Variants in NFASC observed in about 807,000 individuals in gnomAD.
NFASC encodes the protein neurofascin.
In NFASC, 43 loss-of-function variants were observed where a neutral mutation model predicts 147.5. The ratio of observed to expected loss-of-function variants is 0.29; its 90% CI spans 0.23 to 0.38. The LOEUF (loss-of-function observed/expected upper bound fraction) is 0.38. NFASC is among the 10% of genes least tolerant of loss of function. The pLI is 1.00. For missense variants in NFASC, 1,320 were observed against 1,689.0 expected (o/e 0.78, Z 3.83); for synonymous variants, 622 against 665.5 (o/e 0.93, Z 1.01).
chr1:205,016,842 C>T lies in NFASC; in HGVS notation c.*303C>T, dbSNP rs972896951. 5.6e-5 allele frequency: 26 copies of T among 467,666 alleles called. No individual in the cohort carries two copies. The highest frequency in any genetic ancestry group is 9.5e-5 in the Non-Finnish European group (24 of 251,830). 29.0% of individuals were successfully genotyped at this position (467,666 alleles called of 1,614,324 possible). A position where few individuals can be genotyped will look rare whatever the true frequency, so the allele number is the denominator to read the frequency against. ...ACCCCGAGCGTTCCACCACACTGTC[C>T]GCCCTTGGCCTCGGCACACGCTCAC... On this transcript the variant is annotated 3_prime_UTR_variant, in exon 30 of 30. Coordinates refer to ENST00000339876, the MANE Select transcript of NFASC (RefSeq NM_001005388.3). This position sits in a 1 kb window ranked among gnomAD's most constrained non-coding sequence, Gnocchi z 5.1.
rs2095381790 is a variant in NFASC at position 204,975,568 on chromosome 1, G to C, written c.1706+150G>C. Reference sequence around the variant, plus strand: ...TTCTGCAGAGGGGGTGATGGCCTGGGCAACTCCCCTGCTTCAGGGGAGACC... The same window carrying C: ...TTCTGCAGAGGGGGTGATGGCCTGGCCAACTCCCCTGCTTCAGGGGAGACC... On this transcript the variant is annotated intron_variant, in intron 15 of 29. Transcript: ENST00000339876. This position sits in a 1 kb window ranked among gnomAD's most constrained non-coding sequence, Gnocchi z 4.0. 18 of 1,068,920 alleles carry C rather than the reference G, an allele frequency of 1.7e-5. No individual in the cohort carries two copies. Among genetic ancestry groups the C allele is most frequent in the African/African-American group, 3.2e-5 (2 of 63,000 alleles). 66.2% of individuals were successfully genotyped at this position (1,068,920 alleles called of 1,614,324 possible).
chr1:204,868,183 G>A (rs1360948750), intron 1 of NFASC, among the ~76,000 whole-genome samples: 1 of 152,230 alleles, frequency 6.6e-6, no homozygotes, highest in Non-Finnish European at 1.5e-5. Context: ...GACGGCCTCT[G>A]GCCTGCTCAG....
At chr1:204,917,452 G>T (rs994399703) in intron 1 of NFASC, among the ~76,000 whole-genome samples, 12 of 151,984 alleles carry the variant, frequency 7.9e-5, no homozygotes, top group African/African-American at 2.7e-4. Flanking sequence ...TCAATATAAG[G>T]CCAATCTTGT....
rs1464517525 is a variant in NFASC at position 204,986,831 on chromosome 1, C to T, written c.2471-587C>T. 1.3e-5 allele frequency: 2 copies of T among 154,926 alleles called. No individual in the cohort carries two copies. Among genetic ancestry groups the T allele is most frequent in the African/African-American group, 2.4e-5 (1 of 41,400 alleles). 9.6% of individuals were successfully genotyped at this position (154,926 alleles called of 1,614,324 possible). A position where few individuals can be genotyped will look rare whatever the true frequency, so the allele number is the denominator to read the frequency against. On this transcript the variant is annotated intron_variant, in intron 21 of 29. Coordinates refer to ENST00000339876, the MANE Select transcript of NFASC (RefSeq NM_001005388.3). The surrounding 1 kb of genome is among the most constrained non-coding windows in gnomAD (Gnocchi z 4.2). The stretch of plus-strand genomic sequence containing the variant: ...TCTTCCTCCTGTCCTCTGTTCTTCC[C>T]TCTTGTTCTCTTTATCCCTGTCTTT...
At chr1:204,906,967 T>A (rs1171124256) in intron 1 of NFASC, among the ~76,000 whole-genome samples, 1 of 152,196 alleles carries the variant, frequency 6.6e-6, no homozygotes, top group Non-Finnish European at 1.5e-5. Flanking sequence ...GTCATTTCTC[T>A]GGAGTACATA....
chr1:204,907,729 T>C (rs573009773), intron 1 of NFASC, among the ~76,000 whole-genome samples: 3 of 152,342 alleles, frequency 2.0e-5, no homozygotes, highest in East Asian at 3.9e-4. Context: ...GGTCCAGTTA[T>C]ACTAAAATAA....
At chr1:204,889,173 A>T (rs1330079820) in intron 1 of NFASC, among the ~76,000 whole-genome samples, 1 of 152,226 alleles carries the variant, frequency 6.6e-6, no homozygotes, top group Admixed American at 6.5e-5. Flanking sequence ...AAACTCTAAA[A>T]CCAAAACTAT....
At chr1:204,856,075 G>A (rs559736184) in intron 1 of NFASC, among the ~76,000 whole-genome samples, 1 of 152,118 alleles carries the variant, frequency 6.6e-6, no homozygotes, top group South Asian at 2.1e-4. Flanking sequence ...GCCAGTCCAC[G>A]GCTAGGGCCT....
At chr1:204,926,626 C>T (rs1328278979) in intron 2 of NFASC, among the ~76,000 whole-genome samples, 1 of 150,772 alleles carries the variant, frequency 6.6e-6, no homozygotes, top group Non-Finnish European at 1.5e-5. Context: ...GTTGCCCAGG[C>T]TGGTCTTGAA....
chr1:204,977,742 A>G lies in NFASC; in HGVS notation c.1876+17A>G, dbSNP rs2095435917. ...TGCCCAAAGGTAATTCCCACTAATCACAGTCCCCTGCCAGTGCCCTCTCTT... is the reference window on the plus strand; with the variant it reads ...TGCCCAAAGGTAATTCCCACTAATCGCAGTCCCCTGCCAGTGCCCTCTCTT... On this transcript the variant is annotated intron_variant, in intron 17 of 29. Coordinates refer to ENST00000339876, the MANE Select transcript of NFASC (RefSeq NM_001005388.3). 5.6e-6 allele frequency: 9 copies of G among 1,604,368 alleles called. No homozygotes were observed. The highest frequency in any genetic ancestry group is 1.7e-5 in the Admixed American group (1 of 59,726).
At chr1:204,941,185 C>T (rs192814065) in intron 2 of NFASC, among the ~76,000 whole-genome samples, 11 of 152,304 alleles carry the variant, frequency 7.2e-5, no homozygotes, top group Admixed American at 3.9e-4. Flanking sequence ...TCCCTTCTCT[C>T]GGCTTTTGTT....
In NFASC at chr1:204,987,636, G is replaced by A; in HGVS notation, c.2593+96G>A. 1 of 1,446,700 alleles carries A rather than the reference G, an allele frequency of 6.9e-7. No individual in the cohort carries two copies. Among genetic ancestry groups the A allele is most frequent in the Non-Finnish European group, 9.6e-7 (1 of 1,043,738 alleles). The allele number at this position is 1,446,700 out of a possible 1,614,324, so 89.6% of individuals were successfully genotyped here. ...AGGACTCAAGGTAGAAAGCCTGTGG[G>A]TGCAGATGGCATTGTGGAGGGATGG... On this transcript the variant is annotated intron_variant, in intron 22 of 29. Coordinates refer to ENST00000339876, the MANE Select transcript of NFASC (RefSeq NM_001005388.3). The surrounding 1 kb of genome is among the most constrained non-coding windows in gnomAD (Gnocchi z 4.4).
At chr1:204,934,972 C>A (rs2092707655) in intron 2 of NFASC, among the ~76,000 whole-genome samples, 1 of 152,216 alleles carries the variant, frequency 6.6e-6, no homozygotes, top group Non-Finnish European at 1.5e-5. Flanking sequence ...GCAGGTTGAA[C>A]AAGACACTGT....
chr1:205,005,901 T>C (rs530292793), intron 27 of NFASC, among the ~76,000 whole-genome samples: 43 of 152,326 alleles, frequency 2.8e-4, no homozygotes, highest in South Asian at 2.3e-3. Flanking sequence ...TGCTTCCTAA[T>C]TGCCCATGTG....
chr1:204,962,568 A>C (rs2094730369), intron 8 of NFASC, among the ~76,000 whole-genome samples: 2 of 152,258 alleles, frequency 1.3e-5, no homozygotes, highest in Non-Finnish European at 2.9e-5. Context: ...GAAAGAACAC[A>C]GAAAGCTTGT....
rs148548818 is a variant in NFASC at position 204,911,617 on chromosome 1, T to C, written c.-199-9015T>C. Among the ~76,000 whole-genome samples, 9 of 152,282 alleles carry C rather than the reference T, an allele frequency of 5.9e-5. No individual in the cohort carries two copies. The East Asian group carries it at 1.7e-3, about 29-fold the overall frequency. ...CTTTTTAAATGTTGCACTATCTATG[T>C]CTGGTTTTGGTATAAGGGTAACACT... is the stretch of plus-strand genomic sequence containing the variant. On this transcript the variant is annotated intron_variant, in intron 1 of 29. Transcript: ENST00000339876.
At chr1:204,870,841 A>T (rs1386930039) in intron 1 of NFASC, 14 of 1,183,194 alleles carry the variant, frequency 1.2e-5, no homozygotes, top group African/African-American at 3.2e-5. Flanking sequence ...GACAAGGAGC[A>T]GGGAAGCCAG....
At chr1:204,889,661 A>G (rs2081999391) in intron 1 of NFASC, among the ~76,000 whole-genome samples, 1 of 152,126 alleles carries the variant, frequency 6.6e-6, no homozygotes. Flanking sequence ...TGAAGGAGGT[A>G]GTCTAGACGT....
Position 204,946,905 on chromosome 1 carries a change from CT to C in NFASC, c.91+2500del, listed in dbSNP as rs1248531126. ...GGTGTGTGATGGGATCCCACCGCCC[CT>C]GACACAAACAAGCAGATGGTGATCC... On this transcript the variant is annotated intron_variant, in intron 3 of 29. Transcript: ENST00000339876. 43 of 417,468 alleles carry C rather than the reference CT, an allele frequency of 1.0e-4. 1 individual carries two copies. The highest frequency in any genetic ancestry group is 6.8e-4 in the South Asian group (40 of 58,736). 25.9% of individuals were successfully genotyped at this position (417,468 alleles called of 1,614,324 possible). A position where few individuals can be genotyped will look rare whatever the true frequency, so the allele number is the denominator to read the frequency against.
Sources: allele counts gnomAD v4.1 joint callset (sites outside exome capture counted in the v4.1 genomes callset), GRCh38; gene constraint gnomAD v4.1.1; non-coding constraint Gnocchi (gnomAD v3.1); transcripts MANE v1.5; gene names NCBI Gene and HGNC (gene_info 2026-07-23, HGNC 2026-07-21).